The following ACCSL variants were observed in gnomAD, a reference collection of about 807,000 sequenced individuals.
ACCSL encodes 1-aminocyclopropane-1-carboxylate synthase homolog (inactive) like.
A neutral mutation model predicts 61.7 loss-of-function variants in ACCSL; 55 were observed. That is an observed-to-expected ratio of 0.89 (90% CI 0.72 to 1.12). The LOEUF (loss-of-function observed/expected upper bound fraction) is 1.12, where lower values mean the gene tolerates loss of function less well. ACCSL is among the 50% of genes most tolerant of loss of function. The pLI is 0.00. For synonymous variants in ACCSL, 258 were observed against 264.3 expected (o/e 0.98, Z 0.23); for missense variants, 632 against 698.0 (o/e 0.91, Z 1.07).
the ACCSL span, among the ~76,000 whole-genome samples, chr11:43,967,341 A>C: frequency 0.92 from 139,947 of 151,726 alleles, 64,616 homozygotes; most frequent in South Asian, 0.97. Flanking sequence ...CCATGCCCAG[A>C]TAATTTTTTG....
intron 10 of ACCSL, 38 bp downstream of exon 10, chr11:44,056,123 G>A: frequency 6.2e-7 from 1 of 1,614,194 alleles, no homozygotes; most frequent in Non-Finnish European, 8.5e-7. Flanking sequence ...AGGGAAGGAG[G>A]AGGAGCCAGG....
the ACCSL span, chr11:43,944,035 C>A: frequency 2.4e-6 from 1 of 423,014 alleles, no homozygotes; most frequent in South Asian, 2.1e-5. Flanking sequence ...GGTTGCGCCA[C>A]CGGTGCGCGG....
At chr11:43,960,260 T>C in the ACCSL span, among the ~76,000 whole-genome samples, 3 of 152,224 alleles carry the variant, frequency 2.0e-5, no homozygotes, top group Non-Finnish European at 4.4e-5. Context: ...GCCAACCCCA[T>C]AGAAAGTGGC....
chr11:43,975,170 G>C, the ACCSL span, among the ~76,000 whole-genome samples: 2 of 152,088 alleles, frequency 1.3e-5, no homozygotes, highest in Non-Finnish European at 2.9e-5. Context: ...CTTTTGTGGA[G>C]GCTGCCAGTG....
the ACCSL span, among the ~76,000 whole-genome samples, chr11:43,924,645 C>T: frequency 6.6e-6 from 1 of 152,254 alleles, no homozygotes; most frequent in Non-Finnish European, 1.5e-5. Flanking sequence ...AGGGCCACCT[C>T]GCAGGAAGGC....
chr11:43,956,619 C>T, the ACCSL span, among the ~76,000 whole-genome samples: 1 of 152,180 alleles, frequency 6.6e-6, no homozygotes, highest in Non-Finnish European at 1.5e-5. Flanking sequence ...CAGGGCTTCA[C>T]TGTGTTAGCC....
At chr11:43,929,394 C>T in the ACCSL span, among the ~76,000 whole-genome samples, 1 of 151,752 alleles carries the variant, frequency 6.6e-6, no homozygotes, top group Non-Finnish European at 1.5e-5. Context: ...TAATTTTTAA[C>T]ATTTATTTAT....
the ACCSL span, among the ~76,000 whole-genome samples, chr11:43,946,775 G>C: frequency 3.3e-5 from 5 of 152,150 alleles, no homozygotes; most frequent in Admixed American, 3.3e-4. Context: ...GTAGTTCTAA[G>C]GGTTGATGTG....
At chr11:44,047,946 G>A (rs990788886), upstream of ACCSL, 2 of 1,478,410 alleles carry the variant, frequency 1.4e-6, no homozygotes, top group Non-Finnish European at 1.8e-6. Context: ...GGACCTGAGG[G>A]TCCAGGAGAT....
chr11:44,026,062 G>A, the ACCSL span, among the ~76,000 whole-genome samples: 1 of 152,124 alleles, frequency 6.6e-6, no homozygotes, highest in South Asian at 2.1e-4. Flanking sequence ...CTTCTTGGGT[G>A]TGCAGATTAA....
At chr11:44,016,221 G>A in the ACCSL span, among the ~76,000 whole-genome samples, 1 of 152,246 alleles carries the variant, frequency 6.6e-6, no homozygotes, top group Non-Finnish European at 1.5e-5. Context: ...CTACTCTGGT[G>A]GGCCAGTCAG....
chr11:44,049,587 C>A (rs1195334961), intron 1 of ACCSL, among the ~76,000 whole-genome samples: 1 of 152,088 alleles, frequency 6.6e-6, no homozygotes, highest in Non-Finnish European at 1.5e-5. Context: ...CCTCTAATAA[C>A]TTAGAAGGCC....
At chr11:43,943,036 G>C in the ACCSL span, 1 of 1,500,782 alleles carries the variant, frequency 6.7e-7, no homozygotes, top group South Asian at 1.3e-5. This position sits in a 1 kb window ranked among gnomAD's most constrained non-coding sequence, Gnocchi z 4.8. Context: ...GCCGGGGCCG[G>C]CTGCGGCGGC....
At chr11:44,008,383 C>G in the ACCSL span, among the ~76,000 whole-genome samples, 2 of 152,216 alleles carry the variant, frequency 1.3e-5, no homozygotes, top group African/African-American at 4.8e-5. Context: ...CTGCAGGAGT[C>G]TCTGCTCACT....
At chr11:44,009,213 T>G in the ACCSL span, among the ~76,000 whole-genome samples, 89 of 152,094 alleles carry the variant, frequency 5.9e-4, no homozygotes, top group African/African-American at 2.0e-3. Context: ...GCTCCATAAA[T>G]GGAAGCTACC....
At chr11:43,992,613 G>A in the ACCSL span, among the ~76,000 whole-genome samples, 20 of 152,104 alleles carry the variant, frequency 1.3e-4, no homozygotes, top group East Asian at 3.1e-3. Context: ...TACCTCTAAT[G>A]ACCCACTTAG....
At chr11:43,955,660 G>C in the ACCSL span, among the ~76,000 whole-genome samples, 1 of 152,070 alleles carries the variant, frequency 6.6e-6, no homozygotes, top group Non-Finnish European at 1.5e-5. Flanking sequence ...GGAGCTACTG[G>C]TCATCAGAAA....
At chr11:44,019,552 G>GA in the ACCSL span, among the ~76,000 whole-genome samples, 315 of 152,086 alleles carry the variant, frequency 2.1e-3, no homozygotes, top group African/African-American at 7.3e-3. Context: ...ATATTATTTG[G>GA]AAAAATCTCT....
chr11:44,025,471 C>G, the ACCSL span, among the ~76,000 whole-genome samples: 1 of 152,064 alleles, frequency 6.6e-6, no homozygotes, highest in African/African-American at 2.4e-5. Context: ...TGCTGTCCCT[C>G]TCCTTTCTAC....
Sources: gnomAD v4.1 joint callset for allele counts (sites outside exome capture counted in the v4.1 genomes callset) on GRCh38, gnomAD v4.1.1 for gene constraint, Gnocchi (gnomAD v3.1) non-coding constraint, MANE v1.5 for transcripts, NCBI Gene and HGNC (gene_info 2026-07-23, HGNC 2026-07-21) for gene names.